Variants in USP3 observed in about 807,000 individuals in gnomAD.
The protein encoded by USP3 is ubiquitin carboxyl-terminal hydrolase 3.
USP3 carries 20 observed loss-of-function variants against 72.3 expected under a neutral mutation model. The ratio of observed to expected loss-of-function variants is 0.28; its 90% CI spans 0.19 to 0.40. USP3 has a LOEUF of 0.40. Among genes scored for constraint, USP3 ranks in the 10% least tolerant of loss-of-function variants. The pLI is 1.00. For missense variants in USP3, 479 were observed against 633.9 expected, an observed-to-expected ratio of 0.76 and a Z score of 2.62; for synonymous variants, 222 against 225.3, an observed-to-expected ratio of 0.99 and a Z score of 0.13.
intron 6 of USP3, among the ~76,000 whole-genome samples, chr15:63,558,991 C>T (rs1205910828): frequency 1.3e-5 from 2 of 152,188 alleles, no homozygotes; most frequent in Admixed American, 1.3e-4. Context: ...AGTTTGCAGA[C>T]CCCTGGGTTA....
At chr15:63,518,987 G>T (rs1187717650) in intron 1 of USP3, among the ~76,000 whole-genome samples, 1 of 152,108 alleles carries the variant, frequency 6.6e-6, no homozygotes, top group African/African-American at 2.4e-5. Flanking sequence ...GGATGGTCTG[G>T]ATCTCTTGAC....
intron 2 of USP3, among the ~76,000 whole-genome samples, 165 bp from the exon 3 acceptor site, chr15:63,536,860 A>C (rs1425159513): frequency 6.6e-6 from 1 of 152,200 alleles, no homozygotes. Flanking sequence ...TCTCAAAAAA[A>C]AAAAAGAGCA....
At chr15:63,571,132 C>G (rs1388144004) in intron 9 of USP3, among the ~76,000 whole-genome samples, 1 of 152,156 alleles carries the variant, frequency 6.6e-6, no homozygotes, top group Non-Finnish European at 1.5e-5. Context: ...CCCAAGTATA[C>G]ACTGAGATCA....
chr15:63,515,415 TG>T (rs1366048552), intron 1 of USP3: 1 of 152,232 alleles, frequency 6.6e-6, no homozygotes, highest in Non-Finnish European at 1.5e-5. Flanking sequence ...TACAGCCAGT[TG>T]GGGGTTGGGG....
chr15:63,577,065 C>T lies in USP3; in HGVS notation c.1096+2662C>T, dbSNP rs1006974975. Reference sequence around the variant, plus strand: ...AAAGGAAAAGTGATGGTGAGAAAGACCCATCTTAAATAACTTAAGTAACTT... The same window carrying T: ...AAAGGAAAAGTGATGGTGAGAAAGATCCATCTTAAATAACTTAAGTAACTT... On this transcript the variant is annotated intron_variant, in intron 11 of 14. Transcript: ENST00000380324. Among the ~76,000 whole-genome samples the T allele has an allele frequency of 7.0e-4, 106 of 152,184 alleles. 1 individual carries two copies. Among genetic ancestry groups the T allele is most frequent in the African/African-American group, 2.5e-3 (104 of 41,506 alleles).
intron 8 of USP3, among the ~76,000 whole-genome samples, chr15:63,566,909 CT>C (rs2066699880): frequency 6.6e-6 from 1 of 151,962 alleles, no homozygotes; most frequent in Admixed American, 6.6e-5. Flanking sequence ...CTTTAGAATT[CT>C]TTTTTTAATG....
At position 63,584,171 on chromosome 15, in the gene USP3, C is replaced by T. The variant is rs772730158; in HGVS notation, c.1097-4134C>T. 1.5e-4 allele frequency among the ~76,000 whole-genome samples: 22 copies of T among 146,348 alleles called. No individual in the cohort carries two copies. In the East Asian group the frequency reaches 2.2e-3, roughly 15 times the overall value. On this transcript the variant is annotated intron_variant, in intron 11 of 14. Transcript: ENST00000380324. ...GGAGTGCAGTGGCATGATCTCAGCT[C>T]GCTGCAACCTCCACCTCCCAGGTTC...
At chr15:63,567,471 C>T (rs2066709672) in intron 8 of USP3, among the ~76,000 whole-genome samples, 1 of 152,040 alleles carries the variant, frequency 6.6e-6, no homozygotes, top group Non-Finnish European at 1.5e-5. Context: ...CTCAGCCTCC[C>T]GAGTAGCTGG....
Position 63,593,829 on chromosome 15 carries a change from G to A in USP3, c.*3003G>A, listed in dbSNP as rs956759568. On this transcript the variant is annotated 3_prime_UTR_variant, in exon 15 of 15. Transcript: ENST00000380324. Reference sequence around the variant, plus strand: ...GTCTCCAGCAATATATGTGGCTTCTGGCTCAGAGCTTCTGCTGAGGCAGGG... The same window carrying A: ...GTCTCCAGCAATATATGTGGCTTCTAGCTCAGAGCTTCTGCTGAGGCAGGG... 3.3e-5 allele frequency: 5 copies of A among 152,192 alleles called. No homozygotes were observed. Among genetic ancestry groups the A allele is most frequent in the African/African-American group, 4.8e-5 (2 of 41,434 alleles). The allele number at this position is 152,192 out of a possible 1,614,324, so 9.4% of individuals were successfully genotyped here.
Position 63,529,204 on chromosome 15 carries a change from A to G in USP3, c.92-3443A>G, listed in dbSNP as rs1481920583. 3 of 488,378 alleles carry G rather than the reference A, an allele frequency of 6.1e-6. No homozygotes were observed. Among genetic ancestry groups the G allele is most frequent in the Non-Finnish European group, 1.1e-5 (3 of 274,066 alleles). 30.3% of individuals were successfully genotyped at this position (488,378 alleles called of 1,614,324 possible). On this transcript the variant is annotated intron_variant, in intron 1 of 14. Transcript: ENST00000380324. This position sits in a 1 kb window ranked among gnomAD's most constrained non-coding sequence, Gnocchi z 4.2. Reference sequence around the variant, plus strand: ...TTTTTTTTTTTTTCTTTTTTTTGAGATATATTAAAAGGCACAGTCCATAGT... The same window carrying G: ...TTTTTTTTTTTTTCTTTTTTTTGAGGTATATTAAAAGGCACAGTCCATAGT...
Position 63,571,026 on chromosome 15 carries a change from T to A in USP3, c.908+447T>A, listed in dbSNP as rs566911942. On this transcript the variant is annotated intron_variant, in intron 9 of 14. Coordinates refer to ENST00000380324, the MANE Select transcript of USP3 (RefSeq NM_006537.4). ...TTCCTAAAGTTTATCTGTTCTTTAATGAAATCGAGGCATTTGTAAGTTCTC... is the reference window on the plus strand; with the variant it reads ...TTCCTAAAGTTTATCTGTTCTTTAAAGAAATCGAGGCATTTGTAAGTTCTC... Among the ~76,000 whole-genome samples, 7 of 152,342 alleles carry A rather than the reference T, an allele frequency of 4.6e-5. No individual in the cohort carries two copies. In the East Asian group the frequency reaches 1.3e-3, roughly 29 times the overall value.
chr15:63,524,488 T>C (rs1187893255), intron 1 of USP3, among the ~76,000 whole-genome samples: 1 of 152,178 alleles, frequency 6.6e-6, no homozygotes, highest in East Asian at 1.9e-4. Context: ...TCATTTTGCT[T>C]ATAATTTTGT....
chr15:63,515,422 TG>T, intron 1 of USP3: 1 of 152,380 alleles, frequency 6.6e-6, no homozygotes, highest in Non-Finnish European at 1.5e-5. Context: ...AGTTGGGGGT[TG>T]GGGGCAGCCC....
intron 6 of USP3, 107 bp from the exon 7 acceptor site, chr15:63,559,750 G>A (rs1233788836): frequency 9.1e-6 from 8 of 881,068 alleles, no homozygotes; most frequent in Non-Finnish European, 1.2e-5. Flanking sequence ...GTTTAAATGA[G>A]ACAATTGAAA....
intron 7 of USP3, among the ~76,000 whole-genome samples, 171 bp downstream of exon 7, chr15:63,560,141 C>T (rs113776394): frequency 7.2e-5 from 11 of 152,170 alleles, no homozygotes; most frequent in African/African-American, 2.2e-4. Context: ...GAATTCCGGC[C>T]GGGTGTGGTG....
At chr15:63,532,996 G>A (rs1344183304) in intron 2 of USP3, among the ~76,000 whole-genome samples, 1 of 152,170 alleles carries the variant, frequency 6.6e-6, no homozygotes, top group Admixed American at 6.5e-5. Flanking sequence ...AATTCTTGAA[G>A]TACAAATTTA....
At chr15:63,548,808 C>T (rs2066394672) in intron 3 of USP3, among the ~76,000 whole-genome samples, 1 of 152,056 alleles carries the variant, frequency 6.6e-6, no homozygotes, top group African/African-American at 2.4e-5. Context: ...ATTCTCATGC[C>T]TCAACCTCCT....
At chr15:63,523,836 A>T (rs1255960879) in intron 1 of USP3, among the ~76,000 whole-genome samples, 1 of 152,160 alleles carries the variant, frequency 6.6e-6, no homozygotes, top group Non-Finnish European at 1.5e-5. Context: ...ATTTAGAAGC[A>T]TTTTTCCAAG....
At chr15:63,512,378 CTTTCTTTTT>C (rs1567089178) in intron 1 of USP3, among the ~76,000 whole-genome samples, 4 of 144,080 alleles carry the variant, frequency 2.8e-5, no homozygotes, top group African/African-American at 1.1e-4. Flanking sequence ...CTTCTTTCTT[CTTTCTTTTT>C]CTTCTTTCTT....
Sources: allele counts gnomAD v4.1 joint callset (sites outside exome capture counted in the v4.1 genomes callset), GRCh38; gene constraint gnomAD v4.1.1; non-coding constraint Gnocchi (gnomAD v3.1); transcripts MANE v1.5; gene names NCBI Gene and HGNC (gene_info 2026-07-23, HGNC 2026-07-21).